Variants in UST observed in about 807,000 individuals in gnomAD.
UST encodes chondroitin sulfate 2-O-sulfotransferase.
Under a neutral mutation model 45.6 loss-of-function variants are expected in UST, and 21 were observed. That is an observed-to-expected ratio of 0.46 (90% CI 0.33 to 0.66). The LOEUF (loss-of-function observed/expected upper bound fraction) is 0.66. UST is among the 30% of genes least tolerant of loss of function. The probability of loss-of-function intolerance (pLI) is 0.02; values close to 1 mark genes in which losing one functional copy is unlikely to be tolerated. For missense variants in UST, 463 were observed against 512.4 expected (o/e 0.90, Z 0.93); for synonymous variants, 215 against 200.6 (o/e 1.07, Z -0.61).
chr6:148,881,088 A>G (rs1398380017), intron 1 of UST, among the ~76,000 whole-genome samples: 1 of 152,046 alleles, frequency 6.6e-6, no homozygotes, highest in Non-Finnish European at 1.5e-5. Flanking sequence ...GTATTCTTCT[A>G]TCAATGTATA....
At chr6:149,011,833 G>A (rs1016717145) in intron 5 of UST, among the ~76,000 whole-genome samples, 1 of 149,538 alleles carries the variant, frequency 6.7e-6, no homozygotes, top group Admixed American at 6.7e-5. Flanking sequence ...AAACAAAAAG[G>A]CATTTCCACT....
chr6:148,833,939 A>G (rs1777739260), intron 1 of UST, among the ~76,000 whole-genome samples: 2 of 152,218 alleles, frequency 1.3e-5, no homozygotes, highest in Non-Finnish European at 2.9e-5. Flanking sequence ...CAATATGAGC[A>G]TTCTGTGAAA....
intron 1 of UST, among the ~76,000 whole-genome samples, chr6:148,872,835 A>C (rs1267200454): frequency 6.6e-6 from 1 of 151,464 alleles, no homozygotes; most frequent in Non-Finnish European, 1.5e-5. Context: ...TCTTTCTCCC[A>C]CTCTGACTGT....
intron 1 of UST, among the ~76,000 whole-genome samples, chr6:148,814,901 A>G (rs1327169379): frequency 1.3e-5 from 2 of 152,200 alleles, no homozygotes; most frequent in South Asian, 2.1e-4. Context: ...TGCAAGAAAT[A>G]CACTAAGCCA....
Position 148,970,524 on chromosome 6 carries a change from C to T in UST, c.681+5961C>T, listed in dbSNP as rs1343500464. 2.0e-5 allele frequency among the ~76,000 whole-genome samples: 3 copies of T among 152,064 alleles called. No homozygotes were observed. The East Asian group carries it at 5.8e-4, about 29-fold the overall frequency. ...TAGTTACAAGGGGCTTACGAGTCAC[C>T]CAGGTTACCTCTGTATCAGGAGCCA... On this transcript the variant is annotated intron_variant, in intron 5 of 7. Coordinates refer to ENST00000367463, the MANE Select transcript of UST (RefSeq NM_005715.3).
intron 1 of UST, among the ~76,000 whole-genome samples, chr6:148,881,547 A>G (rs1778823343): frequency 6.6e-6 from 1 of 152,206 alleles, no homozygotes; most frequent in Non-Finnish European, 1.5e-5. Context: ...GGGTATAGAC[A>G]GGACATGTGG....
intron 2 of UST, among the ~76,000 whole-genome samples, chr6:148,896,038 T>C (rs1448964688): frequency 6.6e-6 from 1 of 152,216 alleles, no homozygotes; most frequent in African/African-American, 2.4e-5. Flanking sequence ...CCCAAATATA[T>C]TATAATGATA....
intron 1 of UST, among the ~76,000 whole-genome samples, chr6:148,765,761 C>A (rs12529867): frequency 0.12 from 17,945 of 152,208 alleles, 1,133 homozygotes; most frequent in African/African-American, 0.13. Context: ...ATTTGGGGAA[C>A]TAATACATGT....
intron 1 of UST, among the ~76,000 whole-genome samples, chr6:148,780,941 T>C (rs1219838618): frequency 1.3e-5 from 2 of 152,174 alleles, no homozygotes; most frequent in Non-Finnish European, 2.9e-5. Context: ...TAAATATGTG[T>C]GTTCTGACTG....
At chr6:148,922,637 C>CTTT (rs112318296) in intron 2 of UST, among the ~76,000 whole-genome samples, 1 of 147,360 alleles carries the variant, frequency 6.8e-6, no homozygotes, top group African/African-American at 2.5e-5. Flanking sequence ...TACCTAGGTA[C>CTTT]TTTTTTTTTG....
At chr6:148,793,446 C>A (rs1448362059) in intron 1 of UST, among the ~76,000 whole-genome samples, 1 of 152,210 alleles carries the variant, frequency 6.6e-6, no homozygotes, top group Non-Finnish European at 1.5e-5. Flanking sequence ...CCTCCTCACC[C>A]TCCACCGCCT....
At chr6:148,911,758 A>G (rs543396384) in intron 2 of UST, among the ~76,000 whole-genome samples, 2 of 152,176 alleles carry the variant, frequency 1.3e-5, no homozygotes, top group South Asian at 4.2e-4. Context: ...TCTTTTGTAT[A>G]TTGTCTCCAT....
chr6:148,987,612 A>G (rs1781262178), intron 5 of UST, among the ~76,000 whole-genome samples: 1 of 152,208 alleles, frequency 6.6e-6, no homozygotes, highest in African/African-American at 2.4e-5. Context: ...GCTCTTTAAA[A>G]TCTTTTGACA....
At chr6:149,046,711 C>G (rs1041733271) in intron 7 of UST, among the ~76,000 whole-genome samples, 1 of 152,224 alleles carries the variant, frequency 6.6e-6, no homozygotes, top group Non-Finnish European at 1.5e-5. Flanking sequence ...TTCCAAGGCA[C>G]TTTTCTAATC....
intron 1 of UST, among the ~76,000 whole-genome samples, chr6:148,797,209 C>T (rs542310903): frequency 4.0e-4 from 61 of 152,146 alleles, no homozygotes; most frequent in Admixed American, 3.6e-3. Context: ...CCCAGGAGTT[C>T]GAGGCTGCAG....
chr6:148,753,517 G>A (rs552555075), intron 1 of UST, among the ~76,000 whole-genome samples: 1 of 152,086 alleles, frequency 6.6e-6, no homozygotes, highest in Admixed American at 6.5e-5. Context: ...TTTTATTGCG[G>A]AATAAAATGT....
intron 5 of UST, among the ~76,000 whole-genome samples, chr6:148,978,315 C>T (rs1448605344): frequency 6.6e-6 from 1 of 152,090 alleles, no homozygotes; most frequent in African/African-American, 2.4e-5. Context: ...AAGGATTATA[C>T]ATCACATACA....
At position 148,950,118 on chromosome 6, in the gene UST, T is replaced by A. The variant is rs2500511; in HGVS notation, c.448-3754T>A. Among the ~76,000 whole-genome samples, 6 of 152,216 alleles carry A rather than the reference T, an allele frequency of 3.9e-5. No individual in the cohort carries two copies. The South Asian group carries it at 1.2e-3, about 32-fold the overall frequency. ...CTTCTGTCTTACTTACATTGACTTA[T>A]TTCAGTGGTTCTCACACTTTTGTGC... On this transcript the variant is annotated intron_variant, in intron 3 of 7. Transcript: ENST00000367463.
At chr6:149,070,536 G>A (rs547326438) in intron 7 of UST, among the ~76,000 whole-genome samples, 1 of 152,178 alleles carries the variant, frequency 6.6e-6, no homozygotes, top group Admixed American at 6.5e-5. Flanking sequence ...CCTGGCAAAG[G>A]ACTTTCAAAA....
Sources: allele counts gnomAD v4.1 joint callset (sites outside exome capture counted in the v4.1 genomes callset), GRCh38; gene constraint gnomAD v4.1.1; transcripts MANE v1.5; gene names NCBI Gene and HGNC (gene_info 2026-07-23, HGNC 2026-07-21).